The following CNTNAP2 variants were observed in gnomAD, a reference collection of about 807,000 sequenced individuals.
The protein encoded by CNTNAP2 is contactin-associated protein-like 2.
In CNTNAP2, 98 loss-of-function variants were observed where a neutral mutation model predicts 155.2. The ratio of observed to expected loss-of-function variants is 0.63; its 90% CI spans 0.54 to 0.75. The LOEUF is 0.75. CNTNAP2 is among the 30% of genes least tolerant of loss of function. The pLI, the probability that CNTNAP2 is intolerant of heterozygous loss-of-function variation, is 0.00. For missense variants in CNTNAP2, 1,727 were observed against 1,688.1 expected (o/e 1.02, Z -0.40); for synonymous variants, 651 against 631.2 (o/e 1.03, Z -0.47).
chr7:147,404,535 C>T (rs143890882), intron 10 of CNTNAP2, among the ~76,000 whole-genome samples: 1 of 152,286 alleles, frequency 6.6e-6, no homozygotes, highest in East Asian at 1.9e-4. Flanking sequence ...TCGCTATGCT[C>T]TATCTTAGTT....
chr7:147,925,224 T>G (rs904557483), intron 14 of CNTNAP2, among the ~76,000 whole-genome samples: 12 of 142,738 alleles, frequency 8.4e-5, no homozygotes, highest in African/African-American at 3.1e-4. Flanking sequence ...GGAGCAGTTT[T>G]AGGTTCACAG....
chr7:146,454,429 G>A (rs1796526015), intron 1 of CNTNAP2, among the ~76,000 whole-genome samples: 1 of 152,046 alleles, frequency 6.6e-6, no homozygotes, highest in Non-Finnish European at 1.5e-5. Flanking sequence ...ATAATGTAAT[G>A]GTCTAGCTGA....
intron 11 of CNTNAP2, among the ~76,000 whole-genome samples, chr7:147,532,313 C>T (rs902990032): frequency 6.6e-6 from 1 of 152,218 alleles, no homozygotes; most frequent in Non-Finnish European, 1.5e-5. Context: ...AAAATGCCAC[C>T]AGTCTCTTTG....
intron 1 of CNTNAP2, among the ~76,000 whole-genome samples, chr7:146,316,428 T>C (rs1278037694): frequency 6.6e-6 from 1 of 152,112 alleles, no homozygotes; most frequent in Non-Finnish European, 1.5e-5. Flanking sequence ...GACATTTCAC[T>C]GTTTGGGATC....
intron 1 of CNTNAP2, among the ~76,000 whole-genome samples, chr7:146,148,218 A>G (rs1797983255): frequency 6.6e-6 from 1 of 152,136 alleles, no homozygotes; most frequent in South Asian, 2.1e-4. Flanking sequence ...GACGATGATC[A>G]TGCTAATTAA....
chr7:147,674,081 A>G (rs1191484955), intron 13 of CNTNAP2, among the ~76,000 whole-genome samples: 1 of 151,990 alleles, frequency 6.6e-6, no homozygotes, highest in Non-Finnish European at 1.5e-5. Flanking sequence ...GTGACGATTT[A>G]CTTTTTTTAA....
At chr7:148,157,302 AG>A (rs1282593056) in intron 17 of CNTNAP2, among the ~76,000 whole-genome samples, 1 of 152,190 alleles carries the variant, frequency 6.6e-6, no homozygotes, top group Non-Finnish European at 1.5e-5. Context: ...GCATAGACGG[AG>A]GATAGGGTCC....
At chr7:147,658,840 T>A (rs1158874266) in intron 13 of CNTNAP2, among the ~76,000 whole-genome samples, 1 of 152,208 alleles carries the variant, frequency 6.6e-6, no homozygotes, top group Admixed American at 6.5e-5. Context: ...GTTAATGTAC[T>A]CAATCAGGCT....
intron 3 of CNTNAP2, among the ~76,000 whole-genome samples, chr7:146,974,124 C>G (rs909430388): frequency 6.6e-6 from 1 of 152,048 alleles, no homozygotes; most frequent in Admixed American, 6.6e-5. Flanking sequence ...AAGGTGCTAG[C>G]CTGAAGATGA....
chr7:146,590,988 G>A (rs1188932720), intron 1 of CNTNAP2, among the ~76,000 whole-genome samples: 2 of 151,952 alleles, frequency 1.3e-5, no homozygotes, highest in African/African-American at 4.8e-5. Flanking sequence ...CTTGCTTATT[G>A]GTAGCATATA....
chr7:146,960,385 T>C (rs576049678), intron 3 of CNTNAP2, among the ~76,000 whole-genome samples: 44 of 152,216 alleles, frequency 2.9e-4, no homozygotes, highest in Non-Finnish European at 5.4e-4. Flanking sequence ...CAGTTAGGAA[T>C]TGGACAATCG....
At chr7:146,670,311 C>T (rs981142258) in intron 1 of CNTNAP2, among the ~76,000 whole-genome samples, 4 of 152,090 alleles carry the variant, frequency 2.6e-5, no homozygotes, top group Non-Finnish European at 4.4e-5. Context: ...AGCAACTAAA[C>T]GTTGACCTAG....
chr7:146,648,755 G>T (rs1406373463), intron 1 of CNTNAP2, among the ~76,000 whole-genome samples: 2 of 151,978 alleles, frequency 1.3e-5, no homozygotes, highest in Non-Finnish European at 2.9e-5. Context: ...AAGATAATTT[G>T]CTTTGAGGCC....
chr7:146,953,439 A>G (rs1275968741), intron 3 of CNTNAP2, among the ~76,000 whole-genome samples: 1 of 151,988 alleles, frequency 6.6e-6, no homozygotes, highest in South Asian at 2.1e-4. Context: ...AAAAGCGATG[A>G]CATCTCGTTT....
chr7:147,258,925 GTTTC>G (rs1196596684), intron 8 of CNTNAP2, among the ~76,000 whole-genome samples: 1 of 152,132 alleles, frequency 6.6e-6, no homozygotes, highest in Non-Finnish European at 1.5e-5. Context: ...TGAGTCATAT[GTTTC>G]TTTATCAAAT....
chr7:146,361,392 A>G (rs1300600484), intron 1 of CNTNAP2, among the ~76,000 whole-genome samples: 3 of 152,154 alleles, frequency 2.0e-5, no homozygotes, highest in Non-Finnish European at 4.4e-5. Context: ...ACGTGTACCA[A>G]GGGACTGTAT....
At chr7:146,794,458 T>G (rs1457113430) in intron 2 of CNTNAP2, among the ~76,000 whole-genome samples, 1 of 152,180 alleles carries the variant, frequency 6.6e-6, no homozygotes, top group Non-Finnish European at 1.5e-5. Context: ...ATAAAAATCA[T>G]TGAATTATTT....
chr7:147,699,102 A>G (rs1796199983), intron 13 of CNTNAP2, among the ~76,000 whole-genome samples: 1 of 152,032 alleles, frequency 6.6e-6, no homozygotes. Flanking sequence ...TGCCCTTAAT[A>G]CATGCTTATA....
chr7:147,600,696 G>T (rs1483128354), intron 12 of CNTNAP2, among the ~76,000 whole-genome samples: 1 of 152,044 alleles, frequency 6.6e-6, no homozygotes, highest in Non-Finnish European at 1.5e-5. Flanking sequence ...AGGACATTCT[G>T]CAGGGTACTG....
Sources: allele counts gnomAD v4.1 joint callset (sites outside exome capture counted in the v4.1 genomes callset), GRCh38; gene constraint gnomAD v4.1.1; transcripts MANE v1.5; gene names NCBI Gene and HGNC (gene_info 2026-07-23, HGNC 2026-07-21).